Variants in VDAC1 observed in about 807,000 individuals in gnomAD.
VDAC1 encodes the protein voltage dependent anion channel 1.
VDAC1 carries 10 observed loss-of-function variants against 34.7 expected under a neutral mutation model. The observed-to-expected ratio is 0.29, with a 90% CI of 0.18 to 0.49. VDAC1 has a LOEUF of 0.49. VDAC1 is among the 20% of genes least tolerant of loss of function. VDAC1 has a pLI of 0.99. For synonymous variants in VDAC1, 130 were observed against 136.0 expected (o/e 0.96, Z 0.30); for missense variants, 230 against 347.9 (o/e 0.66, Z 2.69).
At chr5:134,004,079 G>A (rs1403701779) in intron 1 of VDAC1, among the ~76,000 whole-genome samples, 1 of 152,210 alleles carries the variant, frequency 6.6e-6, no homozygotes, top group East Asian at 1.9e-4. Context: ...TTCCGCTCTA[G>A]AAGGCTCTGG....
intron 1 of VDAC1, among the ~76,000 whole-genome samples, chr5:134,001,355 C>A (rs1024405053): frequency 1.3e-5 from 2 of 152,140 alleles, no homozygotes; most frequent in African/African-American, 4.8e-5. Context: ...ATTCGTTGAG[C>A]CCCCAGAAAG....
intron 3 of VDAC1, among the ~76,000 whole-genome samples, chr5:133,992,105 G>A (rs948933788): frequency 4.6e-5 from 7 of 152,028 alleles, no homozygotes; most frequent in Admixed American, 2.0e-4. Context: ...GCATGGTGGC[G>A]GGTGCCTGTA....
intron 5 of VDAC1, among the ~76,000 whole-genome samples, chr5:133,982,648 G>C (rs533834563): frequency 6.6e-6 from 1 of 152,110 alleles, no homozygotes; most frequent in Admixed American, 6.5e-5. Flanking sequence ...CCAACACTTC[G>C]GGAGGCCGAG....
At chr5:134,019,792 C>T in the VDAC1 span, among the ~76,000 whole-genome samples, 1 of 152,184 alleles carries the variant, frequency 6.6e-6, no homozygotes, top group African/African-American at 2.4e-5. Flanking sequence ...TGGTATCAGA[C>T]CAAGCACCTG....
At chr5:134,092,979 CA>C in the VDAC1 span, among the ~76,000 whole-genome samples, 2 of 152,214 alleles carry the variant, frequency 1.3e-5, no homozygotes, top group East Asian at 1.9e-4. Context: ...ACACCTGCAG[CA>C]AAGGCCTCTT....
At chr5:134,051,504 A>G in the VDAC1 span, among the ~76,000 whole-genome samples, 1 of 152,112 alleles carries the variant, frequency 6.6e-6, no homozygotes, top group African/African-American at 2.4e-5. Context: ...GAGCTTGATC[A>G]TTTGTGAGAA....
the VDAC1 span, among the ~76,000 whole-genome samples, chr5:134,049,285 G>A: frequency 6.6e-6 from 1 of 152,130 alleles, no homozygotes; most frequent in African/African-American, 2.4e-5. Flanking sequence ...ATAGAGATAA[G>A]GTCTGTCTAT....
the VDAC1 span, among the ~76,000 whole-genome samples, chr5:134,039,887 C>G: frequency 6.5e-3 from 995 of 152,268 alleles, 12 homozygotes; most frequent in African/African-American, 0.022. Context: ...CATGTCTGCC[C>G]ACAGCCAAGT....
the VDAC1 span, among the ~76,000 whole-genome samples, chr5:134,083,450 A>G: frequency 1.3e-5 from 2 of 152,188 alleles, no homozygotes; most frequent in South Asian, 2.1e-4. Context: ...TTGGCCTCCC[A>G]AAGTGCTGGG....
At chr5:134,053,371 CA>C in the VDAC1 span, among the ~76,000 whole-genome samples, 1 of 152,234 alleles carries the variant, frequency 6.6e-6, no homozygotes, top group Non-Finnish European at 1.5e-5. Flanking sequence ...AACCCGCACC[CA>C]CCATGCCTGG....
chr5:133,973,793 G>C lies in VDAC1; in HGVS notation c.758C>G (p.Pro253Arg), dbSNP rs371614785. Residue 253 changes from proline (P) to arginine (R), a missense_variant and splice_region_variant, in exon 8 of 9, where the codon CCA (proline) becomes CGA (arginine). Physicochemically the swap from Pro to Arg is moderately radical, Grantham distance 103 (BLOSUM62 -2). Transcript: ENST00000265333. ...TTTCACACACAAGCAACACATACCT[G>C]GCTTTAGAGTCTGAGTGTATCCTAA... ...IGLGYTQTLK[P>R]GIKLTLSALL... 1.2e-6 allele frequency: 2 copies of C among 1,611,620 alleles called. No individual in the cohort carries two copies. Among genetic ancestry groups the C allele is most frequent in the Non-Finnish European group, 8.5e-7 (1 of 1,179,752 alleles).
the VDAC1 span, among the ~76,000 whole-genome samples, chr5:134,040,866 ATTACTT>A: frequency 1.3e-5 from 2 of 152,206 alleles, no homozygotes; most frequent in East Asian, 3.9e-4. Flanking sequence ...TTCTCCCTGA[ATTACTT>A]TAACTTCCCA....
At chr5:134,090,216 C>T in the VDAC1 span, among the ~76,000 whole-genome samples, 1 of 152,164 alleles carries the variant, frequency 6.6e-6, no homozygotes, top group African/African-American at 2.4e-5. Context: ...TCCCAGGCCC[C>T]AGGAGCTACT....
the VDAC1 span, among the ~76,000 whole-genome samples, chr5:134,097,014 C>T: frequency 6.6e-6 from 1 of 152,232 alleles, no homozygotes; most frequent in African/African-American, 2.4e-5. Flanking sequence ...GACTCGTGGT[C>T]CCAGCGCACA....
the VDAC1 span, among the ~76,000 whole-genome samples, chr5:134,090,448 T>C: frequency 1.3e-5 from 2 of 152,216 alleles, no homozygotes; most frequent in Non-Finnish European, 2.9e-5. Context: ...TCTGCTTCTC[T>C]CTGGGCCTCA....
rs777746652 is a variant in VDAC1 at position 133,980,982 on chromosome 5, A to T, written c.324-26T>A. On this transcript the variant is annotated intron_variant, in intron 5 of 8. Transcript: ENST00000265333. ...CTGAAGGAAAATAAGTTATATTAAG[A>T]TCAGAAGCTAACTCACCTTGAAATG... The T allele has an allele frequency of 9.5e-6, 15 of 1,584,650 alleles. No individual in the cohort carries two copies. In the South Asian group the frequency reaches 1.6e-4, roughly 17 times the overall value.
In VDAC1 at chr5:133,972,849, T is replaced by G. The variant is rs761006814; in HGVS notation, c.774A>C (p.Thr258=). 91 of 1,613,592 alleles carry G rather than the reference T, an allele frequency of 5.6e-5. No individual in the cohort carries two copies. Among genetic ancestry groups the G allele is most frequent in the Non-Finnish European group, 7.5e-5 (88 of 1,179,744 alleles). Residue 258 remains threonine (T), a synonymous_variant, in exon 9 of 9, where the codon ACA becomes ACC. Transcript: ENST00000265333. ...TQTLKPGIKL[T]LSALLDGKNV... Reference sequence around the variant, plus strand: ...TCTTGCCATCCAGAAGAGCTGACAGTGTCAGTTTAATACCTGCAGGGAGAA... The same window carrying G: ...TCTTGCCATCCAGAAGAGCTGACAGGGTCAGTTTAATACCTGCAGGGAGAA...
chr5:134,098,073 T>C, the VDAC1 span, among the ~76,000 whole-genome samples: 2 of 151,864 alleles, frequency 1.3e-5, no homozygotes, highest in East Asian at 3.9e-4. Context: ...GTTTGACCAT[T>C]TTGCCTAGGC....
At chr5:134,019,178 C>A in the VDAC1 span, among the ~76,000 whole-genome samples, 4 of 151,876 alleles carry the variant, frequency 2.6e-5, no homozygotes, top group African/African-American at 9.7e-5. Flanking sequence ...TAACAAAAAA[C>A]AAGCAAACAA....
Sources: allele counts gnomAD v4.1 joint callset (sites outside exome capture counted in the v4.1 genomes callset), GRCh38; gene constraint gnomAD v4.1.1; transcripts MANE v1.5; gene names NCBI Gene and HGNC (gene_info 2026-07-23, HGNC 2026-07-21).